The following APOO variants were observed in gnomAD, a reference collection of about 807,000 sequenced individuals.
APOO encodes apolipoprotein O.
APOO carries 11 observed loss-of-function variants against 23.1 expected under a neutral mutation model. The observed-to-expected ratio is 0.48, with a 90% CI of 0.30 to 0.79. The LOEUF (loss-of-function observed/expected upper bound fraction) is 0.79, where lower values mean the gene tolerates loss of function less well. Ranked by LOEUF, APOO falls within the 30% of genes least tolerant of loss-of-function variation. APOO has a pLI of 0.07. For missense variants in APOO, 160 were observed against 142.7 expected, an observed-to-expected ratio of 1.12 and a Z score of -0.62; for synonymous variants, 59 against 54.8, an observed-to-expected ratio of 1.08 and a Z score of -0.34.
At chrX:23,838,795 C>A (rs1028682021) in intron 8 of APOO, among the ~76,000 whole-genome samples, 12 of 111,650 alleles carry the variant, frequency 1.1e-4, no homozygotes, top group Admixed American at 4.8e-4. Context: ...AAAAGCTACA[C>A]CTCCTCCAAT....
chrX:23,891,041 C>G (rs2147037586), intron 1 of APOO, among the ~76,000 whole-genome samples: 1 of 110,727 alleles, frequency 9.0e-6, no homozygotes, highest in East Asian at 2.8e-4. Flanking sequence ...TACTCTACAT[C>G]TTCAACCCCT....
intron 1 of APOO, among the ~76,000 whole-genome samples, chrX:23,904,981 C>T (rs1435718411): frequency 9.0e-6 from 1 of 111,552 alleles, no homozygotes; most frequent in Non-Finnish European, 1.9e-5. Flanking sequence ...CTTTTCTGCT[C>T]CTACTTCTGC....
At chrX:23,835,187 G>C (rs1390850742) in intron 8 of APOO, among the ~76,000 whole-genome samples, 2 of 105,538 alleles carry the variant, frequency 1.9e-5, no homozygotes, top group Non-Finnish European at 3.9e-5. Context: ...TCAGCCTCCT[G>C]AGTAGCTGGG....
chrX:23,864,493 G>T (rs1345175549), intron 5 of APOO, among the ~76,000 whole-genome samples: 1 of 110,534 alleles, frequency 9.0e-6, no homozygotes, highest in Non-Finnish European at 1.9e-5. Flanking sequence ...AGTAGAGACG[G>T]GTTTCACCAT....
intron 8 of APOO, chrX:23,836,840 T>G (rs994100637): frequency 1.2e-5 from 13 of 1,065,447 alleles, no homozygotes; most frequent in Admixed American, 5.4e-5. Flanking sequence ...GCTTGCTGAA[T>G]CAAAGCCGCT....
At position 23,894,313 on chromosome X, in the gene APOO, T is replaced by C. The variant is rs1926804750; in HGVS notation, c.10-13361A>G. 3.7e-5 allele frequency among the ~76,000 whole-genome samples: 4 copies of C among 108,684 alleles called. 1 individual carries two copies. In the Admixed American group the frequency reaches 4.0e-4, roughly 11 times the overall value. The allele number at this position is 108,684 out of a possible 115,157, so 94.4% of individuals were successfully genotyped here. On this transcript the variant is annotated intron_variant, in intron 1 of 8. Transcript: ENST00000379226. ...GCCCACACCACCACGCCTGGCTAAT[T>C]TTTGTATTTTTAGTAGAGACGGGGT...
At chrX:23,905,214 C>T (rs763202334) in intron 1 of APOO, among the ~76,000 whole-genome samples, 52 of 109,137 alleles carry the variant, frequency 4.8e-4, no homozygotes, top group African/African-American at 1.4e-3. Flanking sequence ...CATGGTGAAA[C>T]TCCGTCTTTA....
At chrX:23,858,757 G>A in intron 5 of APOO, 24 bp from the exon 6 acceptor site, 5 of 1,134,592 alleles carry the variant, frequency 4.4e-6, no homozygotes, top group East Asian at 3.0e-5. Flanking sequence ...GGTTGTACAC[G>A]CCATCAGATG....
intron 5 of APOO, 43 bp from the exon 6 acceptor site, chrX:23,858,776 T>A: frequency 1.8e-6 from 2 of 1,081,840 alleles, no homozygotes. Flanking sequence ...TGATTCATTA[T>A]CCTCACCATC....
chrX:23,846,974 G>GA (rs1338845757), intron 7 of APOO, among the ~76,000 whole-genome samples: 19 of 110,787 alleles, frequency 1.7e-4, no homozygotes, highest in African/African-American at 5.9e-4. Context: ...TAATATCTAG[G>GA]AAAAAAATAA....
chrX:23,840,432 C>T, intron 7 of APOO, 55 bp from the exon 8 acceptor site: 3 of 1,039,063 alleles, frequency 2.9e-6, no homozygotes, highest in Non-Finnish European at 4.0e-6. Flanking sequence ...TAGTGCAACT[C>T]CTTAGTGTCC....
intron 7 of APOO, among the ~76,000 whole-genome samples, chrX:23,841,746 C>G (rs1196059278): frequency 9.1e-6 from 1 of 110,109 alleles, no homozygotes; most frequent in Non-Finnish European, 1.9e-5. Context: ...AACACACATA[C>G]CCATATGTGA....
rs757259211 is a variant in APOO at position 23,878,929 on chromosome X, T to A, written c.223A>T (p.Thr75Ser). The A allele has an allele frequency of 3.6e-5, 44 of 1,208,831 alleles. No individual in the cohort carries two copies. Among genetic ancestry groups the A allele is most frequent in the Middle Eastern group, 2.3e-4 (1 of 4,344 alleles). Residue 75 changes from threonine to serine, a missense_variant, in exon 3 of 9, where the codon ACA (threonine) becomes TCA (serine). By Grantham distance (58) the Thr-to-Ser change is moderately conservative (BLOSUM62 1). Transcript: ENST00000379226. ...SQLRHYCEPY[T>S]TWCQETYSQT... is the part of the protein sequence containing the mutation. Reference sequence around the variant, plus strand: ...AACAGTTGTACCTGACACCAGGTTGTGTATGGCTCGCAATAGTGTCGGAGC... The same window carrying A: ...AACAGTTGTACCTGACACCAGGTTGAGTATGGCTCGCAATAGTGTCGGAGC...
intron 1 of APOO, 35 bp downstream of exon 1, chrX:23,907,659 G>A (rs369961239): frequency 8.7e-7 from 1 of 1,150,160 alleles, no homozygotes; most frequent in Non-Finnish European, 1.2e-6. Context: ...CCGGGAGGGG[G>A]CGGTGACAGC....
intron 1 of APOO, among the ~76,000 whole-genome samples, chrX:23,895,203 A>G: frequency 9.0e-6 from 1 of 111,514 alleles, no homozygotes; most frequent in Non-Finnish European, 1.9e-5. Context: ...TGGCATCTGT[A>G]CGCCTATGTT....
chrX:23,836,958 T>C (rs773305459), intron 8 of APOO: 2 of 1,208,274 alleles, frequency 1.7e-6, no homozygotes, highest in Non-Finnish European at 2.2e-6. Context: ...TGCGGATGTA[T>C]TTTTCACCCA....
chrX:23,857,003 A>G (rs1438429372), intron 6 of APOO, among the ~76,000 whole-genome samples: 1 of 111,683 alleles, frequency 9.0e-6, no homozygotes, highest in East Asian at 2.8e-4. Context: ...AAAACCAAAT[A>G]CCACATGTTC....
rs766434494 is a variant in APOO at position 23,881,219 on chromosome X, C to T, written c.10-267G>A. Among the ~76,000 whole-genome samples the T allele has an allele frequency of 2.7e-5, 3 of 109,483 alleles. No individual in the cohort carries two copies. In the South Asian group the frequency reaches 1.2e-3, roughly 43 times the overall value. On this transcript the variant is annotated intron_variant, in intron 1 of 8. Transcript: ENST00000379226. The stretch of plus-strand genomic sequence containing the variant: ...CCTCCCAAGTAGCTGGGATTACAGG[C>T]GTCTGCCACCACACCCGGCTAATTT...
chrX:23,872,521 TTATATA>T (rs773219545), intron 4 of APOO, among the ~76,000 whole-genome samples: 11 of 93,255 alleles, frequency 1.2e-4, no homozygotes, highest in Non-Finnish European at 1.7e-4. Context: ...TTATGAGAAT[TTATATA>T]TATATATATA....
Sources: gnomAD v4.1 joint callset for allele counts (sites outside exome capture counted in the v4.1 genomes callset) on GRCh38, gnomAD v4.1.1 for gene constraint, MANE v1.5 for transcripts, NCBI Gene and HGNC (gene_info 2026-07-23, HGNC 2026-07-21) for gene names.